Variants in ZNF276 observed in about 807,000 individuals in gnomAD.
ZNF276 encodes centromere protein Z.
ZNF276 carries 59 observed loss-of-function variants against 63.9 expected under a neutral mutation model. The ratio of observed to expected loss-of-function variants is 0.92; its 90% CI spans 0.75 to 1.15. ZNF276 has a LOEUF of 1.15. ZNF276 is among the 50% of genes most tolerant of loss of function. The pLI is 0.00. For missense variants in ZNF276, 1,084 were observed against 843.8 expected, an observed-to-expected ratio of 1.28 and a Z score of -3.53; for synonymous variants, 496 against 348.4, an observed-to-expected ratio of 1.42 and a Z score of -4.72.
chr16:89,733,386 A>G lies in ZNF276; in HGVS notation c.1254A>G (p.Gly418=), dbSNP rs758432167. Residue 418 remains glycine (G), a synonymous_variant, in exon 7 of 11, where the codon GGA becomes GGG. Coordinates refer to ENST00000443381, the MANE Select transcript of ZNF276 (RefSeq NM_001113525.2). ...RIRKKPGPKP[G]WKKKLRCERE... The stretch of plus-strand genomic sequence containing the variant: ...GGAAGAAGCCGGGACCCAAGCCCGG[A>G]TGGAAGAAGAAGCTTCGTTGTGAGA... 2 of 1,614,164 alleles carry G rather than the reference A, an allele frequency of 1.2e-6. No homozygotes were observed. The highest frequency in any genetic ancestry group is 1.7e-6 in the Non-Finnish European group (2 of 1,180,038).
At chr16:89,733,146 C>CTGGCTTTGG in intron 6 of ZNF276, 156 bp from the exon 7 acceptor site, 1 of 711,216 alleles carries the variant, frequency 1.4e-6, no homozygotes, top group East Asian at 2.7e-5. Context: ...CAGAGTTGCT[C>CTGGCTTTGG]TGGCTTTGGT....
chr16:89,739,174 CTG>C lies in ZNF276; in HGVS notation c.*931_*932del, dbSNP rs776969626. 4.3e-6 allele frequency: 7 copies of C among 1,614,188 alleles called. No individual in the cohort carries two copies. The highest frequency in any genetic ancestry group is 2.2e-5 in the East Asian group (1 of 44,892). On this transcript the variant is annotated 3_prime_UTR_variant, in exon 11 of 11. Coordinates refer to ENST00000443381, the MANE Select transcript of ZNF276 (RefSeq NM_001113525.2). ...AGGCTCCTGCCAGCTGGAGGTGAAA[CTG>C]TGCTTGTATCCCCAGCCACGAAGAG...
rs1397636697 is a variant in ZNF276, at chr16:89,739,793, C to T, written c.*1547C>T. Reference sequence around the variant, plus strand: ...AGAGAGGCAGTCCCCATGATAGGCCCATTGGTCCTGGGGTTGACCAGTGAG... The same window carrying T: ...AGAGAGGCAGTCCCCATGATAGGCCTATTGGTCCTGGGGTTGACCAGTGAG... On this transcript the variant is annotated 3_prime_UTR_variant, in exon 11 of 11. Coordinates refer to ENST00000443381, the MANE Select transcript of ZNF276 (RefSeq NM_001113525.2). 4.1e-6 allele frequency: 6 copies of T among 1,467,092 alleles called. No homozygotes were observed. Among genetic ancestry groups the T allele is most frequent in the Non-Finnish European group, 5.4e-6 (6 of 1,113,148 alleles). The allele number at this position is 1,467,092 out of a possible 1,614,324, so 90.9% of individuals were successfully genotyped here. A position where few individuals can be genotyped will look rare whatever the true frequency, so the allele number is the denominator to read the frequency against.
chr16:89,728,781 C>G (rs1597990592), intron 5 of ZNF276, among the ~76,000 whole-genome samples: 1 of 152,186 alleles, frequency 6.6e-6, no homozygotes, highest in Non-Finnish European at 1.5e-5. Flanking sequence ...ATGCGATCCA[C>G]CTACGTCACC....
intron 6 of ZNF276, 174 bp from the exon 7 acceptor site, chr16:89,733,128 C>A: frequency 1.5e-6 from 1 of 652,362 alleles, no homozygotes; most frequent in Non-Finnish European, 2.7e-6. Flanking sequence ...CCCCTGAGGC[C>A]TCCTGTCCAG....
intron 5 of ZNF276, among the ~76,000 whole-genome samples, chr16:89,728,105 G>A (rs1567571379): frequency 1.3e-5 from 2 of 152,312 alleles, no homozygotes; most frequent in Non-Finnish European, 2.9e-5. Context: ...TGATGAAATC[G>A]GGCAGGTGCC....
At position 89,738,966 on chromosome 16, in the gene ZNF276, G is replaced by C. The variant is rs776860862; in HGVS notation, c.*720G>C. 4 of 1,614,186 alleles carry C rather than the reference G, an allele frequency of 2.5e-6. No individual in the cohort carries two copies. The highest frequency in any genetic ancestry group is 3.4e-6 in the Non-Finnish European group (4 of 1,180,030). ...GACGAGCTTTTGTTATCAGTTCCAC[G>C]GGGTTGCCCTAGAGAGAAAACAGGC... On this transcript the variant is annotated 3_prime_UTR_variant, in exon 11 of 11. Transcript: ENST00000443381.
At chr16:89,736,526 T>C (rs2061900311) in intron 9 of ZNF276, among the ~76,000 whole-genome samples, 1 of 151,362 alleles carries the variant, frequency 6.6e-6, no homozygotes. Context: ...GGTTTTACCA[T>C]ATTGATTGGG....
chr16:89,722,375 C>T (rs563747407), intron 1 of ZNF276, among the ~76,000 whole-genome samples, 156 bp from the exon 2 acceptor site: 170 of 152,348 alleles, frequency 1.1e-3, no homozygotes, highest in Middle Eastern at 0.01. Flanking sequence ...CACAGGGCGG[C>T]TTGTCCCGCC....
chr16:89,727,401 A>G (rs766578924), intron 5 of ZNF276, 44 bp downstream of exon 5: 58 of 1,592,926 alleles, frequency 3.6e-5, no homozygotes, highest in Admixed American at 2.0e-4. Context: ...TTCTCCTTCA[A>G]AAACCATCAG....
intron 9 of ZNF276, among the ~76,000 whole-genome samples, chr16:89,737,024 G>T (rs2061943182): frequency 6.6e-6 from 1 of 152,132 alleles, no homozygotes; most frequent in Non-Finnish European, 1.5e-5. Flanking sequence ...GGGTGAGTGG[G>T]TCTGCATGTC....
At chr16:89,737,660 C>T in intron 9 of ZNF276, 146 bp from the exon 10 acceptor site, 1 of 1,475,960 alleles carries the variant, frequency 6.8e-7, no homozygotes, top group Non-Finnish European at 9.0e-7. Flanking sequence ...AAACGAGGCC[C>T]TCATAGGCCC....
At chr16:89,727,563 C>T (rs1047476823) in intron 5 of ZNF276, among the ~76,000 whole-genome samples, 5 of 152,150 alleles carry the variant, frequency 3.3e-5, no homozygotes, top group Admixed American at 1.3e-4. Context: ...GGTTGGGACA[C>T]GCCTCCTCTC....
chr16:89,732,871 CCTG>C (rs1403348228), intron 6 of ZNF276: 3 of 173,030 alleles, frequency 1.7e-5, no homozygotes, highest in Admixed American at 8.0e-5. Flanking sequence ...TCGCCCTGAC[CCTG>C]CTGTACCCCG....
In ZNF276 at chr16:89,739,802, T is replaced by TG; in HGVS notation, c.*1560dup. 1 of 1,465,966 alleles carries TG rather than the reference T, an allele frequency of 6.8e-7. No homozygotes were observed. Among genetic ancestry groups the TG allele is most frequent in the South Asian group, 1.4e-5 (1 of 71,484 alleles). 90.8% of individuals were successfully genotyped at this position (1,465,966 alleles called of 1,614,324 possible). ...GTCCCCATGATAGGCCCATTGGTCC[T>TG]GGGGTTGACCAGTGAGCCAGTAAAT... On this transcript the variant is annotated 3_prime_UTR_variant, in exon 11 of 11. Transcript: ENST00000443381.
intron 6 of ZNF276, among the ~76,000 whole-genome samples, chr16:89,729,957 C>T (rs2061592040): frequency 6.6e-6 from 1 of 152,200 alleles, no homozygotes; most frequent in Admixed American, 6.5e-5. Context: ...ACCCAGAACA[C>T]TCCCAGGTAG....
intron 8 of ZNF276, 49 bp from the exon 9 acceptor site, chr16:89,733,872 T>C (rs771717313): frequency 2.5e-6 from 4 of 1,583,258 alleles, no homozygotes; most frequent in Non-Finnish European, 3.5e-6. Context: ...GCTCGTGCCA[T>C]GTGGCCCGGG....
Position 89,723,646 on chromosome 16 carries a change from G to T in ZNF276, c.943G>T (p.Asp315Tyr), listed in dbSNP as rs537167138. The T allele has an allele frequency of 1.9e-6, 3 of 1,612,612 alleles. No homozygotes were observed. The highest frequency in any genetic ancestry group is 1.7e-5 in the Admixed American group (1 of 60,028). Residue 315 changes from aspartate (D) to tyrosine (Y), a missense_variant, in exon 4 of 11, where the codon GAC (aspartate) becomes TAC (tyrosine). By Grantham distance (160) the Asp-to-Tyr change is radical (BLOSUM62 -3). Transcript: ENST00000443381. Reference sequence around the variant, plus strand: ...TGTGGCCCAGCCTCCTTCGGACAGCGACGCGGTGGGGCCCAGGTCGGGCTT... The same window carrying T: ...TGTGGCCCAGCCTCCTTCGGACAGCTACGCGGTGGGGCCCAGGTCGGGCTT... ...TDVAQPPSDS[D>Y]AVGPRSGFPP...
In ZNF276 at chr16:89,739,803, G is replaced by T; in HGVS notation, c.*1557G>T. ...TCCCCATGATAGGCCCATTGGTCCTGGGGTTGACCAGTGAGCCAGTAAATT... is the reference window on the plus strand; with the variant it reads ...TCCCCATGATAGGCCCATTGGTCCTTGGGTTGACCAGTGAGCCAGTAAATT... On this transcript the variant is annotated 3_prime_UTR_variant, in exon 11 of 11. Transcript: ENST00000443381. The T allele has an allele frequency of 1.4e-6, 2 of 1,464,610 alleles. No homozygotes were observed. The highest frequency in any genetic ancestry group is 1.8e-6 in the Non-Finnish European group (2 of 1,112,336). 90.7% of individuals were successfully genotyped at this position (1,464,610 alleles called of 1,614,324 possible).
Sources: gnomAD v4.1 joint callset for allele counts (sites outside exome capture counted in the v4.1 genomes callset) on GRCh38, gnomAD v4.1.1 for gene constraint, MANE v1.5 for transcripts, NCBI Gene and HGNC (gene_info 2026-07-23, HGNC 2026-07-21) for gene names.